The following LYSMD2 variants were observed in gnomAD, a reference collection of about 807,000 sequenced individuals.
LYSMD2 encodes the protein lysM and putative peptidoglycan-binding domain-containing protein 2.
Under a neutral mutation model 17.7 loss-of-function variants are expected in LYSMD2, and 6 were observed. The observed-to-expected ratio is 0.34, with a 90% CI of 0.19 to 0.67. The LOEUF (loss-of-function observed/expected upper bound fraction) is 0.67. LYSMD2 is among the 30% of genes least tolerant of loss of function. The probability of loss-of-function intolerance (pLI) is 0.69; values close to 1 mark genes in which losing one functional copy is unlikely to be tolerated. For synonymous variants in LYSMD2, 102 were observed against 129.8 expected (o/e 0.79, Z 1.45); for missense variants, 237 against 286.7 (o/e 0.83, Z 1.25).
intron 1 of LYSMD2, among the ~76,000 whole-genome samples, chr15:51,748,714 C>T (rs933751595): frequency 7.2e-5 from 11 of 152,242 alleles, no homozygotes; most frequent in Admixed American, 6.5e-5. Flanking sequence ...CACATGTCCA[C>T]TCCTAAACTC....
chr15:51,748,674 C>T lies in LYSMD2; in HGVS notation c.-1+2597G>A, dbSNP rs150822404. Among the ~76,000 whole-genome samples, 375 of 152,298 alleles carry T rather than the reference C, an allele frequency of 2.5e-3. 1 individual carries two copies. The highest frequency in any genetic ancestry group is 8.5e-3 in the African/African-American group (355 of 41,562). ...AACAATATGGCCGACCCAGATTCAT[C>T]GTATCTCTTTACAATGGCCAGAACT... On this transcript the variant is annotated intron_variant, in intron 1 of 2. Coordinates refer to the LYSMD2 transcript ENST00000454181.
upstream of LYSMD2, among the ~76,000 whole-genome samples, chr15:51,739,784 C>A (rs150279041): frequency 6.6e-6 from 1 of 152,152 alleles, no homozygotes; most frequent in East Asian, 1.9e-4. Flanking sequence ...AAAACTTAAT[C>A]GAGCATGTGG....
At chr15:51,735,863 T>C (rs973987831) in intron 1 of LYSMD2, among the ~76,000 whole-genome samples, 13 of 152,206 alleles carry the variant, frequency 8.5e-5, no homozygotes, top group Admixed American at 5.9e-4. Context: ...GTCATAGATT[T>C]TTAGGTGCTG....
intron 1 of LYSMD2, among the ~76,000 whole-genome samples, chr15:51,746,973 T>C (rs1363796529): frequency 7.3e-6 from 1 of 136,792 alleles, no homozygotes; most frequent in Non-Finnish European, 1.5e-5. Context: ...TGAGGTCAGG[T>C]GTTCGTGACC....
intron 1 of LYSMD2, among the ~76,000 whole-genome samples, chr15:51,734,324 G>A (rs2055595657): frequency 6.6e-6 from 1 of 152,098 alleles, no homozygotes; most frequent in Admixed American, 6.5e-5. Flanking sequence ...AGGCCAATTT[G>A]AGGAACATGG....
chr15:51,734,863 G>C (rs1230641964), intron 1 of LYSMD2, among the ~76,000 whole-genome samples: 1 of 152,130 alleles, frequency 6.6e-6, no homozygotes, highest in Non-Finnish European at 1.5e-5. Context: ...ATCTCACAAT[G>C]AGTAAACCTA....
At chr15:51,724,764 T>G in intron 2 of LYSMD2, 26 bp downstream of exon 2, 219 of 1,543,698 alleles carry the variant, frequency 1.4e-4, no homozygotes, top group Non-Finnish European at 1.8e-4. Flanking sequence ...ATTTAGACTT[T>G]GACATTTGTA....
At chr15:51,736,895 T>C (rs1249070461) in intron 1 of LYSMD2, among the ~76,000 whole-genome samples, 2 of 152,204 alleles carry the variant, frequency 1.3e-5, no homozygotes, top group Admixed American at 6.5e-5. Flanking sequence ...ACTGCACCAT[T>C]CCTGACTCAT....
At chr15:51,746,819 C>T (rs77037570) in intron 1 of LYSMD2, among the ~76,000 whole-genome samples, 4,797 of 151,860 alleles carry the variant, frequency 0.032, 122 homozygotes, top group Non-Finnish European at 0.05. Flanking sequence ...CAGTTTATCG[C>T]TCCAAAAAGT....
intron 1 of LYSMD2, among the ~76,000 whole-genome samples, chr15:51,732,865 C>G (rs2055585305): frequency 6.6e-6 from 1 of 152,244 alleles, no homozygotes; most frequent in Non-Finnish European, 1.5e-5. Flanking sequence ...ACTGCAAAAG[C>G]CACCATCTTA....
chr15:51,736,434 G>A (rs184507846), intron 1 of LYSMD2, among the ~76,000 whole-genome samples: 1 of 152,228 alleles, frequency 6.6e-6, no homozygotes, highest in East Asian at 1.9e-4. Flanking sequence ...AACATATACC[G>A]GCTTAAATAT....
intron 1 of LYSMD2, among the ~76,000 whole-genome samples, chr15:51,742,939 G>A (rs1179897872): frequency 6.6e-6 from 1 of 152,100 alleles, no homozygotes; most frequent in Non-Finnish European, 1.5e-5. Context: ...TCCAGCCGGG[G>A]GGACACAGTG....
intron 1 of LYSMD2, among the ~76,000 whole-genome samples, chr15:51,729,756 C>T (rs1236105437): frequency 6.6e-6 from 1 of 152,230 alleles, no homozygotes; most frequent in South Asian, 2.1e-4. Context: ...CCGCACCTGG[C>T]CTCCTTTGGT....
chr15:51,725,156 T>A, intron 1 of LYSMD2, 35 bp from the exon 2 acceptor site: 1 of 1,323,970 alleles, frequency 7.6e-7, no homozygotes, highest in Non-Finnish European at 1.1e-6. Flanking sequence ...GAATTACATA[T>A]AACCAAGTCA....
intron 1 of LYSMD2, among the ~76,000 whole-genome samples, chr15:51,749,859 T>C (rs2055688384): frequency 6.6e-6 from 1 of 152,264 alleles, no homozygotes; most frequent in Non-Finnish European, 1.5e-5. Context: ...TAAAGTAATT[T>C]GGTCACACCC....
At chr15:51,741,984 T>C (rs978965330), upstream of LYSMD2, among the ~76,000 whole-genome samples, 2 of 150,292 alleles carry the variant, frequency 1.3e-5, no homozygotes, top group African/African-American at 4.9e-5. Context: ...TTCACAATGT[T>C]ATGCAACTAT....
chr15:51,723,724 C>T (rs1460748941), intron 2 of LYSMD2, 75 bp from the exon 3 acceptor site: 4 of 1,077,300 alleles, frequency 3.7e-6, no homozygotes, highest in African/African-American at 1.6e-5. Flanking sequence ...ACTTATTATA[C>T]AATATCCACT....
At chr15:51,748,395 C>A (rs2055679719) in intron 1 of LYSMD2, among the ~76,000 whole-genome samples, 1 of 150,338 alleles carries the variant, frequency 6.7e-6, no homozygotes, top group African/African-American at 2.4e-5. Flanking sequence ...ATGTTGTTAT[C>A]TGTTATATGA....
chr15:51,724,997 G>C lies in LYSMD2; in HGVS notation c.398C>G (p.Ser133Cys). 6.2e-7 allele frequency: 1 copy of C among 1,614,128 alleles called. No homozygotes were observed. Among genetic ancestry groups the C allele is most frequent in the Non-Finnish European group, 8.5e-7 (1 of 1,179,970 alleles). The change falls in exon 2 of 3, where the codon TCT becomes TGT. Residue 133 changes from serine to cysteine, a missense_variant. Ser to Cys is a moderately radical substitution (Grantham distance 112, BLOSUM62 -1). Coordinates refer to ENST00000267838, the MANE Select transcript of LYSMD2 (RefSeq NM_153374.3). ...GTTATCAGCAGTTTCATTTTCTGGA[G>C]AATCAATGGAGTTAAGTCCATTAAA... ...LLFNGLNSIDSPENETADNSF... is the reference protein window; with the variant it reads ...LLFNGLNSIDCPENETADNSF...
Sources: gnomAD v4.1 joint callset for allele counts (sites outside exome capture counted in the v4.1 genomes callset) on GRCh38, gnomAD v4.1.1 for gene constraint, MANE v1.5 for transcripts, NCBI Gene and HGNC (gene_info 2026-07-23, HGNC 2026-07-21) for gene names.